The following RHOF variants were observed in gnomAD, a reference collection of about 807,000 sequenced individuals.
RHOF encodes ras homolog family member F, filopodia associated, also known as rho-related GTP-binding protein RhoF.
RHOF carries 21 observed loss-of-function variants against 22.2 expected under a neutral mutation model. The ratio of observed to expected loss-of-function variants is 0.95; its 90% CI spans 0.67 to 1.36. The LOEUF (loss-of-function observed/expected upper bound fraction) is 1.36, where lower values mean the gene tolerates loss of function less well. RHOF is among the 40% of genes most tolerant of loss of function. RHOF has a pLI of 0.00. For missense variants in RHOF, 285 were observed against 293.7 expected (o/e 0.97, Z 0.22); for synonymous variants, 135 against 131.2 (o/e 1.03, Z -0.20).
At chr12:121,780,774 C>G in intron 4 of RHOF, 98 bp downstream of exon 4, 1 of 1,373,754 alleles carries the variant, frequency 7.3e-7, no homozygotes, top group South Asian at 1.4e-5. Context: ...CTTCCCTCAG[C>G]TCCCTGAAAG....
chr12:121,782,345 G>A (rs1373977038), intron 2 of RHOF: 1 of 152,096 alleles, frequency 6.6e-6, no homozygotes, highest in Non-Finnish European at 1.5e-5. Flanking sequence ...TCCCCGTTGA[G>A]GAGCCAGCCC....
rs1874443078 is a variant in RHOF at position 121,781,178 on chromosome 12, C to T, written c.241G>A (p.Asp81Asn). The T allele has an allele frequency of 2.5e-6, 4 of 1,614,038 alleles. No homozygotes were observed. Among genetic ancestry groups the T allele is most frequent in the Non-Finnish European group, 3.4e-6 (4 of 1,180,042 alleles). ...TGGTAGGACAGGGGCCGCAGCCGGTCATAGTCTTCTTGCCCTGAAAGCACA... is the reference window on the plus strand; with the variant it reads ...TGGTAGGACAGGGGCCGCAGCCGGTTATAGTCTTCTTGCCCTGAAAGCACA... ...LYDTAGQEDY[D>N]RLRPLSYQNT... Residue 81 changes from aspartate (D) to asparagine (N), a missense_variant, in exon 3 of 5, where the codon GAC becomes AAC. Physicochemically the swap from Asp to Asn is conservative, Grantham distance 23. Transcript: ENST00000267205.
intron 2 of RHOF, among the ~76,000 whole-genome samples, chr12:121,784,642 C>G (rs893789099): frequency 1.1e-4 from 17 of 151,986 alleles, no homozygotes; most frequent in African/African-American, 3.4e-4. Context: ...CTGAGAGTCA[C>G]AGAAATGAAG....
At chr12:121,785,932 T>G (rs1874597247) in intron 2 of RHOF, among the ~76,000 whole-genome samples, 1 of 131,868 alleles carries the variant, frequency 7.6e-6, no homozygotes, top group Non-Finnish European at 1.6e-5. Context: ...TTGTTTGTTT[T>G]GAGACAGAAT....
At chr12:121,780,755 A>T in intron 4 of RHOF, 117 bp downstream of exon 4, 1 of 1,182,962 alleles carries the variant, frequency 8.5e-7, no homozygotes, top group Non-Finnish European at 1.2e-6. Context: ...AATTATTCTT[A>T]GAATCTTGCT....
Position 121,788,651 on chromosome 12 carries a change from C to T in RHOF, c.226+4501G>A, listed in dbSNP as rs908724168. Among the ~76,000 whole-genome samples the T allele has an allele frequency of 4.6e-5, 7 of 152,164 alleles. No individual in the cohort carries two copies. In the East Asian group the frequency reaches 5.8e-4, roughly 13 times the overall value. On this transcript the variant is annotated intron_variant, in intron 2 of 4. Transcript: ENST00000267205. ...ACTGTTCAGGGCAGCCTCCACATCT[C>T]GAATTGACGCCCACATTTCCCTCTC...
Position 121,779,340 on chromosome 12 carries a change from A to C in RHOF, c.*158T>G, listed in dbSNP as rs1592954200. 1.3e-6 allele frequency: 1 copy of C among 784,918 alleles called. No homozygotes were observed. The highest frequency in any genetic ancestry group is 2.7e-5 in the East Asian group (1 of 37,076). 48.6% of individuals were successfully genotyped at this position (784,918 alleles called of 1,614,324 possible). A position where few individuals can be genotyped will look rare whatever the true frequency, so the allele number is the denominator to read the frequency against. ...GAGGGGAGTTTGTGGTCAGAGCCCC[A>C]GCCAGGAAAGGAGAGAGTTCCAGAA... On this transcript the variant is annotated 3_prime_UTR_variant, in exon 5 of 5. Coordinates refer to ENST00000267205, the MANE Select transcript of RHOF (RefSeq NM_019034.3).
At chr12:121,786,194 A>G (rs539282655) in intron 2 of RHOF, among the ~76,000 whole-genome samples, 19 of 152,086 alleles carry the variant, frequency 1.2e-4, no homozygotes, top group Non-Finnish European at 2.8e-4. Flanking sequence ...TGCTGGGATT[A>G]CAGGTGTGAG....
At chr12:121,782,252 AC>A (rs1210820840) in intron 2 of RHOF, 2 of 151,912 alleles carry the variant, frequency 1.3e-5, no homozygotes, top group East Asian at 3.9e-4. Flanking sequence ...GCCCCCAGAA[AC>A]CGCATGGACT....
Position 121,779,211 on chromosome 12 carries a change from G to T in RHOF, c.*287C>A, listed in dbSNP as rs1255698190. 1 of 481,460 alleles carries T rather than the reference G, an allele frequency of 2.1e-6. No individual in the cohort carries two copies. The highest frequency in any genetic ancestry group is 1.9e-5 in the African/African-American group (1 of 51,796). The allele number at this position is 481,460 out of a possible 1,614,324, so 29.8% of individuals were successfully genotyped here. A position where few individuals can be genotyped will look rare whatever the true frequency, so the allele number is the denominator to read the frequency against. ...AAGCATAACTTGAGTCTGCACTGGG[G>T]AGACACTCGTGGTGGGGGTGGCTGT... On this transcript the variant is annotated 3_prime_UTR_variant, in exon 5 of 5. Coordinates refer to ENST00000267205, the MANE Select transcript of RHOF (RefSeq NM_019034.3).
At chr12:121,781,250 G>A (rs1338477277) in intron 2 of RHOF, 58 bp from the exon 3 acceptor site, 18 of 1,496,106 alleles carry the variant, frequency 1.2e-5, no homozygotes, top group East Asian at 2.3e-5. Flanking sequence ...GGACTCTGAC[G>A]GGTGAAGGGG....
At chr12:121,793,417 TG>T in intron 1 of RHOF, 78 bp downstream of exon 1, 4 of 1,514,510 alleles carry the variant, frequency 2.6e-6, no homozygotes, top group Non-Finnish European at 3.5e-6. Context: ...CTCGGGACGC[TG>T]GGGACTGAGG....
At chr12:121,782,579 G>C (rs1361252678) in intron 2 of RHOF, 1 of 152,352 alleles carries the variant, frequency 6.6e-6, no homozygotes, top group South Asian at 2.1e-4. Flanking sequence ...TTCTCTGCCA[G>C]ACACCTCTCA....
chr12:121,793,274 G>T, intron 1 of RHOF, 35 bp from the exon 2 acceptor site: 1 of 1,527,598 alleles, frequency 6.5e-7, no homozygotes, highest in Non-Finnish European at 8.9e-7. Context: ...TCCTTAGTGG[G>T]GCCGGCGGGG....
chr12:121,781,271 G>T, intron 2 of RHOF, 79 bp from the exon 3 acceptor site: 1 of 1,319,838 alleles, frequency 7.6e-7, no homozygotes, highest in Non-Finnish European at 1.1e-6. Flanking sequence ...AAGGGGCCAG[G>T]CAAGTGACCC....
At chr12:121,790,089 C>T (rs1874725358) in intron 2 of RHOF, among the ~76,000 whole-genome samples, 1 of 152,226 alleles carries the variant, frequency 6.6e-6, no homozygotes, top group East Asian at 1.9e-4. Context: ...CCTGCGAGCC[C>T]CGTCACCCGA....
At chr12:121,783,414 C>G (rs1355340621) in intron 2 of RHOF, among the ~76,000 whole-genome samples, 2 of 151,720 alleles carry the variant, frequency 1.3e-5, no homozygotes. Flanking sequence ...CTCTGCCTGC[C>G]GGGTTCAAGC....
intron 2 of RHOF, among the ~76,000 whole-genome samples, chr12:121,786,077 G>A (rs929411233): frequency 1.1e-4 from 16 of 149,760 alleles, no homozygotes; most frequent in South Asian, 2.1e-4. Context: ...CACCACGCCC[G>A]GCTAATTTTT....
At chr12:121,792,129 T>C (rs886539723) in intron 2 of RHOF, among the ~76,000 whole-genome samples, 12 of 133,036 alleles carry the variant, frequency 9.0e-5, no homozygotes, top group African/African-American at 4.0e-4. Flanking sequence ...GACAGCCCCT[T>C]TTCGGGTCCT....
Sources: gnomAD v4.1 joint callset for allele counts (sites outside exome capture counted in the v4.1 genomes callset) on GRCh38, gnomAD v4.1.1 for gene constraint, MANE v1.5 for transcripts, NCBI Gene and HGNC (gene_info 2026-07-23, HGNC 2026-07-21) for gene names.